The following FOXP1 variants were observed in gnomAD, a reference collection of about 807,000 sequenced individuals.
FOXP1 encodes the protein forkhead box protein P1.
FOXP1 carries 15 observed loss-of-function variants against 98.2 expected under a neutral mutation model. The observed-to-expected ratio is 0.15, with a 90% CI of 0.10 to 0.24. The LOEUF is 0.24. FOXP1 is among the 10% of genes least tolerant of loss of function. The probability of loss-of-function intolerance (pLI) is 1.00; values close to 1 mark genes in which losing one functional copy is unlikely to be tolerated. For synonymous variants in FOXP1, 371 were observed against 314.5 expected, an observed-to-expected ratio of 1.18 and a Z score of -1.90; for missense variants, 633 against 848.5, an observed-to-expected ratio of 0.75 and a Z score of 3.15.
At chr3:71,537,881 T>C (rs1024139720) in intron 2 of FOXP1, among the ~76,000 whole-genome samples, 2 of 152,216 alleles carry the variant, frequency 1.3e-5, no homozygotes, top group African/African-American at 4.8e-5. Context: ...AAAATACTAT[T>C]TGGTGACACA....
intron 4 of FOXP1, among the ~76,000 whole-genome samples, chr3:71,357,000 C>T (rs2078208456): frequency 6.6e-6 from 1 of 152,108 alleles, no homozygotes. Flanking sequence ...CCGTGCACCC[C>T]ACTCCCACGG....
intron 6 of FOXP1, among the ~76,000 whole-genome samples, chr3:71,188,488 C>T (rs937109059): frequency 6.6e-6 from 1 of 151,314 alleles, no homozygotes; most frequent in African/African-American, 2.4e-5. Flanking sequence ...AATCTCGGCT[C>T]ACTGCAACCT....
At chr3:71,380,032 C>T (rs1349062043) in intron 3 of FOXP1, among the ~76,000 whole-genome samples, 2 of 152,126 alleles carry the variant, frequency 1.3e-5, no homozygotes, top group Non-Finnish European at 2.9e-5. Flanking sequence ...GTATTTAGAT[C>T]AACATCGTGG....
chr3:70,988,408 A>C (rs1378301642), intron 13 of FOXP1, among the ~76,000 whole-genome samples: 3 of 152,244 alleles, frequency 2.0e-5, no homozygotes, highest in Non-Finnish European at 4.4e-5. Context: ...GCCAAGGGAA[A>C]GTGAGCTAGG....
Position 70,955,431 on chromosome 3 carries a change from C to T in FOXP1, c.*3816G>A, listed in dbSNP as rs1004773170. 7.7e-5 allele frequency: 18 copies of T among 232,712 alleles called. No individual in the cohort carries two copies. Among genetic ancestry groups the T allele is most frequent in the Middle Eastern group, 1.3e-3 (1 of 782 alleles). 14.4% of individuals were successfully genotyped at this position (232,712 alleles called of 1,614,324 possible). A position where few individuals can be genotyped will look rare whatever the true frequency, so the allele number is the denominator to read the frequency against. On this transcript the variant is annotated 3_prime_UTR_variant, in exon 21 of 21. Coordinates refer to ENST00000649528, the MANE Select transcript of FOXP1 (RefSeq NM_001349338.3). Reference sequence around the variant, plus strand: ...GGGCAGCCTAACTCATCTTACAAGACGGACTCTAGGGACAGGTAGGTTGGA... The same window carrying T: ...GGGCAGCCTAACTCATCTTACAAGATGGACTCTAGGGACAGGTAGGTTGGA...
chr3:71,356,432 T>C (rs1033340909), intron 4 of FOXP1, among the ~76,000 whole-genome samples: 5 of 152,080 alleles, frequency 3.3e-5, no homozygotes, highest in South Asian at 2.1e-4. Flanking sequence ...CTGCGAAACA[T>C]GCGTCATCTA....
chr3:70,982,327 T>C (rs779173806), intron 14 of FOXP1, among the ~76,000 whole-genome samples: 3 of 152,238 alleles, frequency 2.0e-5, no homozygotes, highest in Admixed American at 6.5e-5. Context: ...GTGTTTCTGA[T>C]TGCAGTTCAG....
At chr3:71,366,150 G>A (rs759015179) in intron 3 of FOXP1, among the ~76,000 whole-genome samples, 2 of 151,332 alleles carry the variant, frequency 1.3e-5, no homozygotes, top group African/African-American at 2.4e-5. Context: ...TTTTTTTTTC[G>A]TTGTGGATGG....
In FOXP1 at chr3:70,982,952, C is replaced by T. The variant is rs569902984; in HGVS notation, c.1147-4923G>A. 3.3e-4 allele frequency among the ~76,000 whole-genome samples: 50 copies of T among 152,316 alleles called. No individual in the cohort carries two copies. In the East Asian group the frequency reaches 7.1e-3, roughly 22 times the overall value. ...GACACAACTGCGTAGTAGGGACTTTCGGGCTCACAGAACTTGTTTTTCTGC... is the reference window on the plus strand; with the variant it reads ...GACACAACTGCGTAGTAGGGACTTTTGGGCTCACAGAACTTGTTTTTCTGC... On this transcript the variant is annotated intron_variant, in intron 14 of 20. Transcript: ENST00000649528.
chr3:71,570,870 T>G (rs2047285590), intron 2 of FOXP1: 1 of 152,210 alleles, frequency 6.6e-6, no homozygotes, highest in Non-Finnish European at 1.5e-5. Flanking sequence ...AGAGCCAACG[T>G]GGACGGACAG....
Position 71,007,338 on chromosome 3 carries a change from C to T in FOXP1, c.975-6279G>A, listed in dbSNP as rs562573828. ...ACATCCACAATTATAGACAGCTATT[C>T]CCTCTACATGGCTGAAGTCTCCTAC... On this transcript the variant is annotated intron_variant, in intron 12 of 20. Transcript: ENST00000649528. Among the ~76,000 whole-genome samples the T allele has an allele frequency of 3.3e-5, 5 of 152,260 alleles. No individual in the cohort carries two copies. In the South Asian group the frequency reaches 6.2e-4, roughly 19 times the overall value.
At chr3:71,018,340 G>A (rs1213238024) in intron 11 of FOXP1, among the ~76,000 whole-genome samples, 2 of 152,106 alleles carry the variant, frequency 1.3e-5, no homozygotes, top group African/African-American at 4.8e-5. Flanking sequence ...ACTCATACTC[G>A]TCACACACGG....
At chr3:71,094,286 T>A (rs542908227) in intron 7 of FOXP1, among the ~76,000 whole-genome samples, 1 of 146,410 alleles carries the variant, frequency 6.8e-6, no homozygotes. Flanking sequence ...TTCTTTTTTT[T>A]TTTTTTTTTT....
At chr3:71,265,945 G>A (rs1471932000) in intron 5 of FOXP1, among the ~76,000 whole-genome samples, 1 of 152,162 alleles carries the variant, frequency 6.6e-6, no homozygotes, top group Non-Finnish European at 1.5e-5. Flanking sequence ...CCTCCAAAGT[G>A]CAAGAGGCCA....
intron 2 of FOXP1, among the ~76,000 whole-genome samples, chr3:71,560,032 C>T (rs1447686107): frequency 1.3e-5 from 2 of 152,118 alleles, no homozygotes; most frequent in African/African-American, 4.8e-5. Flanking sequence ...ATGAAGGAGA[C>T]AATGAGAAAG....
At chr3:71,265,752 G>A (rs1048506357) in intron 5 of FOXP1, among the ~76,000 whole-genome samples, 3 of 152,162 alleles carry the variant, frequency 2.0e-5, no homozygotes, top group African/African-American at 4.8e-5. Flanking sequence ...GCGCTGGACC[G>A]ACTCCAAAAG....
chr3:71,088,639 A>G (rs370021278), intron 7 of FOXP1, among the ~76,000 whole-genome samples: 1 of 152,348 alleles, frequency 6.6e-6, no homozygotes, highest in South Asian at 2.1e-4. Flanking sequence ...TGGGAAAGGT[A>G]CTAACAAAGT....
rs57574547 is a variant in FOXP1, at chr3:71,361,010, G to A, written c.-167-1766C>T. 4.6e-4 allele frequency among the ~76,000 whole-genome samples: 70 copies of A among 152,280 alleles called. 1 individual carries two copies. In the East Asian group the frequency reaches 0.013, roughly 29 times the overall value. ...ACACTATGTTTTCTAGGTATCTGGT[G>A]TCTAGTGTGCATAAACTCTTTGCAC... On this transcript the variant is annotated intron_variant, in intron 3 of 20. Coordinates refer to ENST00000649528, the MANE Select transcript of FOXP1 (RefSeq NM_001349338.3).
chr3:71,484,756 G>C (rs776118339), intron 3 of FOXP1, among the ~76,000 whole-genome samples: 1 of 152,116 alleles, frequency 6.6e-6, no homozygotes, highest in South Asian at 2.1e-4. Context: ...CTGTGTCTCA[G>C]TGTGGGCCCG....
Sources: allele counts gnomAD v4.1 joint callset (sites outside exome capture counted in the v4.1 genomes callset), GRCh38; gene constraint gnomAD v4.1.1; transcripts MANE v1.5; gene names NCBI Gene and HGNC (gene_info 2026-07-23, HGNC 2026-07-21).